CD86: variants seen among roughly 807,000 people sequenced by gnomAD.
The protein encoded by CD86 is CD86 molecule, also known as T-lymphocyte activation antigen CD86.
CD86 carries 11 observed loss-of-function variants against 32.1 expected under a neutral mutation model. That is an observed-to-expected ratio of 0.34 (90% CI 0.22 to 0.57). The LOEUF (loss-of-function observed/expected upper bound fraction) is 0.57. Among genes scored for constraint, CD86 ranks in the 20% least tolerant of loss-of-function variants. The pLI, the probability that CD86 is intolerant of heterozygous loss-of-function variation, is 0.86. For synonymous variants in CD86, 137 were observed against 135.3 expected, an observed-to-expected ratio of 1.01 and a Z score of -0.09; for missense variants, 359 against 398.4, an observed-to-expected ratio of 0.90 and a Z score of 0.84.
At position 122,120,299 on chromosome 3, in the gene CD86, A is replaced by G. The variant is rs2073323303; in HGVS notation, c.*765A>G. 1 of 152,290 alleles carries G rather than the reference A, an allele frequency of 6.6e-6. No individual in the cohort carries two copies. The highest frequency in any genetic ancestry group is 2.4e-5 in the African/African-American group (1 of 41,450). 9.4% of individuals were successfully genotyped at this position (152,290 alleles called of 1,614,324 possible). On this transcript the variant is annotated 3_prime_UTR_variant, in exon 7 of 7. Coordinates refer to ENST00000330540, the MANE Select transcript of CD86 (RefSeq NM_175862.5). ...TGGAGAGAACTGAATAAACAGGAAAATGCCAGAGCTTGTGAACCCTGTTTC... is the reference window on the plus strand; with the variant it reads ...TGGAGAGAACTGAATAAACAGGAAAGTGCCAGAGCTTGTGAACCCTGTTTC...
chr3:122,055,570 G>T, intron 1 of CD86, 67 bp downstream of exon 1: 1 of 1,433,176 alleles, frequency 7.0e-7, no homozygotes, highest in South Asian at 1.1e-5. Flanking sequence ...GGCTGAGGTT[G>T]AAGATGGTGC....
chr3:122,095,428 G>A (rs575161091), intron 2 of CD86, among the ~76,000 whole-genome samples: 3 of 152,170 alleles, frequency 2.0e-5, no homozygotes, highest in East Asian at 1.9e-4. Flanking sequence ...TGATCTGCCC[G>A]CCTCGACCTC....
chr3:122,115,404 A>T (rs1236685496), intron 5 of CD86, among the ~76,000 whole-genome samples: 1 of 152,220 alleles, frequency 6.6e-6, no homozygotes, highest in Non-Finnish European at 1.5e-5. Context: ...ATGAATCAGA[A>T]GACTAGATGT....
At chr3:122,076,181 A>G (rs1370514547) in intron 1 of CD86, among the ~76,000 whole-genome samples, 1 of 152,256 alleles carries the variant, frequency 6.6e-6, no homozygotes, top group East Asian at 1.9e-4. Context: ...AAAGTATGTT[A>G]TAAAAATACT....
chr3:122,101,505 A>ATATATATATATAT (rs1559909685), intron 2 of CD86, among the ~76,000 whole-genome samples: 2 of 45,468 alleles, frequency 4.4e-5, no homozygotes, highest in African/African-American at 1.4e-4. Flanking sequence ...GAAAAAAAAA[A>ATATATATATATAT]AAAAAAAAAT....
chr3:122,081,425 A>C (rs2072632295), intron 1 of CD86, among the ~76,000 whole-genome samples: 5 of 152,246 alleles, frequency 3.3e-5, no homozygotes. Flanking sequence ...AACACTAAAA[A>C]GTGGTTCTTT....
intron 1 of CD86, among the ~76,000 whole-genome samples, chr3:122,066,367 G>A (rs2072412978): frequency 6.6e-6 from 1 of 152,122 alleles, no homozygotes; most frequent in Non-Finnish European, 1.5e-5. Flanking sequence ...ACAAGGCTAA[G>A]AACTTACTCA....
At position 122,077,694 on chromosome 3, in the gene CD86, C is replaced by G. The variant is rs1012959690; in HGVS notation, c.15-13907C>G. 3.5e-6 allele frequency: 3 copies of G among 867,040 alleles called. No homozygotes were observed. The African/African-American group carries it at 5.5e-5, about 16-fold the overall frequency. The allele number at this position is 867,040 out of a possible 1,614,324, so 53.7% of individuals were successfully genotyped here. A position where few individuals can be genotyped will look rare whatever the true frequency, so the allele number is the denominator to read the frequency against. Reference sequence around the variant, plus strand: ...GTCTTTGTCATGTTTGTGGATGGGGCTCCCTTTGGGGGTTTCCCAGGGCTT... The same window carrying G: ...GTCTTTGTCATGTTTGTGGATGGGGGTCCCTTTGGGGGTTTCCCAGGGCTT... On this transcript the variant is annotated intron_variant, in intron 1 of 6. Transcript: ENST00000330540.
chr3:122,093,053 T>C (rs919259340), intron 2 of CD86, among the ~76,000 whole-genome samples: 1 of 152,180 alleles, frequency 6.6e-6, no homozygotes, highest in African/African-American at 2.4e-5. Flanking sequence ...CCTTAGCTCC[T>C]GGGGATGTGG....
chr3:122,104,503 T>G (rs921730759), intron 3 of CD86, among the ~76,000 whole-genome samples: 31 of 152,208 alleles, frequency 2.0e-4, no homozygotes, highest in Non-Finnish European at 2.1e-4. Flanking sequence ...TTTGTTTTGA[T>G]ATACTGTTCT....
chr3:122,113,250 G>A (rs2073201748), intron 5 of CD86, among the ~76,000 whole-genome samples: 1 of 152,182 alleles, frequency 6.6e-6, no homozygotes, highest in Admixed American at 6.5e-5. Flanking sequence ...TCCACTCATG[G>A]GTTGATGGAC....
intron 1 of CD86, among the ~76,000 whole-genome samples, chr3:122,073,556 T>C (rs1050060845): frequency 2.6e-5 from 4 of 152,124 alleles, no homozygotes; most frequent in African/African-American, 9.7e-5. Context: ...GCAGTAAAAA[T>C]AAAAATTTAT....
At chr3:122,066,784 G>A (rs2681411) in intron 1 of CD86, among the ~76,000 whole-genome samples, 79,970 of 151,824 alleles carry the variant, frequency 0.53, 22,204 homozygotes, top group Admixed American at 0.67. Flanking sequence ...AATGAAACAC[G>A]TTCCCCAAAC....
At chr3:122,084,188 T>G (rs1199568062) in intron 1 of CD86, among the ~76,000 whole-genome samples, 5 of 152,210 alleles carry the variant, frequency 3.3e-5, no homozygotes, top group African/African-American at 1.2e-4. Context: ...GGTTTCCCCA[T>G]AATGGCCAGG....
Position 122,103,796 on chromosome 3 carries a change from C to A in CD86, c.349C>A (p.Pro117Thr), listed in dbSNP as rs1173409054. 1.9e-6 allele frequency: 3 copies of A among 1,613,974 alleles called. No individual in the cohort carries two copies. The highest frequency in any genetic ancestry group is 2.5e-6 in the Non-Finnish European group (3 of 1,179,884). ...LYQCIIHHKK[P>T]TGMIRIHQMN... Reference sequence around the variant, plus strand: ...TCAATGTATCATCCATCACAAAAAGCCCACAGGAATGATTCGCATCCACCA... The same window carrying A: ...TCAATGTATCATCCATCACAAAAAGACCACAGGAATGATTCGCATCCACCA... Residue 117 changes from proline (P) to threonine (T), a missense_variant, in exon 3 of 7, where the codon CCC (proline) becomes ACC (threonine). Coordinates refer to ENST00000330540, the MANE Select transcript of CD86 (RefSeq NM_175862.5).
rs1462250687 is a variant in CD86 at position 122,103,493 on chromosome 3, C to T, written c.65-19C>T. 4 of 1,572,700 alleles carry T rather than the reference C, an allele frequency of 2.5e-6. No homozygotes were observed. The South Asian group carries it at 3.5e-5, about 14-fold the overall frequency. Reference sequence around the variant, plus strand: ...TTCCTCTTGTTTCTCCCTCCCTAATCCTTAACCTTCTTTTTTAGGTGCTGC... The same window carrying T: ...TTCCTCTTGTTTCTCCCTCCCTAATTCTTAACCTTCTTTTTTAGGTGCTGC... On this transcript the variant is annotated intron_variant, in intron 2 of 6. Transcript: ENST00000330540.
intron 1 of CD86, among the ~76,000 whole-genome samples, chr3:122,073,486 A>G (rs2072517570): frequency 6.6e-6 from 1 of 152,186 alleles, no homozygotes; most frequent in African/African-American, 2.4e-5. Context: ...TTATTCATAT[A>G]ATGGTTGATA....
chr3:122,085,910 G>A (rs932461986), intron 1 of CD86, among the ~76,000 whole-genome samples: 1 of 152,174 alleles, frequency 6.6e-6, no homozygotes, highest in Non-Finnish European at 1.5e-5. Flanking sequence ...ATCGGCAGAA[G>A]GCAATGAGCT....
At chr3:122,117,992 T>A in intron 5 of CD86, 56 bp from the exon 6 acceptor site, 1 of 1,488,422 alleles carries the variant, frequency 6.7e-7, no homozygotes, top group Non-Finnish European at 9.3e-7. Context: ...CAAACTTTCC[T>A]TCTTTTGGTA....
Sources: allele counts gnomAD v4.1 joint callset (sites outside exome capture counted in the v4.1 genomes callset), GRCh38; gene constraint gnomAD v4.1.1; transcripts MANE v1.5; gene names NCBI Gene and HGNC (gene_info 2026-07-23, HGNC 2026-07-21).